FADS1: variants seen among roughly 807,000 people sequenced by gnomAD.
FADS1 encodes the protein acyl-CoA (8-3)-desaturase.
Under a neutral mutation model 61.6 loss-of-function variants are expected in FADS1, and 17 were observed. The ratio of observed to expected loss-of-function variants is 0.28; its 90% CI spans 0.19 to 0.41. FADS1 has a LOEUF of 0.41. Among genes scored for constraint, FADS1 ranks in the 10% least tolerant of loss-of-function variants. FADS1 has a pLI of 1.00. For synonymous variants in FADS1, 238 were observed against 258.7 expected, an observed-to-expected ratio of 0.92 and a Z score of 0.77; for missense variants, 387 against 650.9, an observed-to-expected ratio of 0.59 and a Z score of 4.41.
chr11:61,806,559 G>T, intron 6 of FADS1, 105 bp downstream of exon 6: 1 of 1,037,172 alleles, frequency 9.6e-7, no homozygotes, highest in Non-Finnish European at 1.5e-6. Flanking sequence ...ACTTCCTCTA[G>T]CCCCTTTCCT....
At position 61,800,561 on chromosome 11, in the gene FADS1, C is replaced by G. The variant is rs2066849675; in HGVS notation, c.*1850G>C. 6.6e-6 allele frequency: 1 copy of G among 152,412 alleles called. No homozygotes were observed. The highest frequency in any genetic ancestry group is 1.5e-5 in the Non-Finnish European group (1 of 68,048). 9.4% of individuals were successfully genotyped at this position (152,412 alleles called of 1,614,324 possible). ...TTGACAAACCTCTAACCTTCCATGTCTTTGTGTTGACAAACCTCTCCATGG... is the reference window on the plus strand; with the variant it reads ...TTGACAAACCTCTAACCTTCCATGTGTTTGTGTTGACAAACCTCTCCATGG... On this transcript the variant is annotated 3_prime_UTR_variant, in exon 12 of 12. Coordinates refer to ENST00000350997, the MANE Select transcript of FADS1 (RefSeq NM_013402.7).
At chr11:61,805,119 C>T in intron 6 of FADS1, 1 of 406,528 alleles carries the variant, frequency 2.5e-6, no homozygotes, top group Middle Eastern at 6.4e-4. Flanking sequence ...CATACACACT[C>T]CAAGGATCCC....
At chr11:61,813,620 TC>T in intron 1 of FADS1, 1 of 406,910 alleles carries the variant, frequency 2.5e-6, no homozygotes, top group South Asian at 4.7e-5. Flanking sequence ...CAATCAGTGC[TC>T]TATAAAATGG....
intron 7 of FADS1, 59 bp downstream of exon 7, chr11:61,804,626 A>G (rs1336292158): frequency 1.4e-5 from 20 of 1,435,932 alleles, no homozygotes; most frequent in Non-Finnish European, 2.0e-5. Context: ...GGGAACCCCT[A>G]TCCCCCACTC....
In FADS1 at chr11:61,802,754, G is replaced by T. The variant is rs757687195; in HGVS notation, c.1454+47C>A. ...TACATGTCATCATTTCCATTGCCCT[G>T]CCCTCTTCCCTCCCTACTAGCCATC... On this transcript the variant is annotated intron_variant, in intron 11 of 11. Coordinates refer to ENST00000350997, the MANE Select transcript of FADS1 (RefSeq NM_013402.7). The surrounding 1 kb of genome is among the most constrained non-coding windows in gnomAD (Gnocchi z 4.2). 2.4e-5 allele frequency: 38 copies of T among 1,612,074 alleles called. 1 individual carries two copies. The East Asian group carries it at 3.3e-4, about 14-fold the overall frequency.
intron 5 of FADS1, among the ~76,000 whole-genome samples, 164 bp from the exon 6 acceptor site, chr11:61,806,888 A>G (rs894168097): frequency 2.0e-5 from 3 of 152,202 alleles, no homozygotes; most frequent in Admixed American, 2.0e-4. Flanking sequence ...CACATGGAAC[A>G]TGAAGCCCTA....
Position 61,815,947 on chromosome 11 carries a change from C to G in FADS1, c.375+608G>C, listed in dbSNP as rs1022006878. The G allele has an allele frequency of 2.6e-6, 1 of 381,282 alleles. No homozygotes were observed. The highest frequency in any genetic ancestry group is 4.8e-6 in the Non-Finnish European group (1 of 207,798). The allele number at this position is 381,282 out of a possible 1,614,324, so 23.6% of individuals were successfully genotyped here. On this transcript the variant is annotated intron_variant, in intron 1 of 11. Coordinates refer to ENST00000350997, the MANE Select transcript of FADS1 (RefSeq NM_013402.7). This position sits in a 1 kb window ranked among gnomAD's most constrained non-coding sequence, Gnocchi z 6.4. ...TGTACGCCAGCGGCCGCTTGCCCTCCCCGGCCAGCGCTGTCCCTTCCGCGT... is the reference window on the plus strand; with the variant it reads ...TGTACGCCAGCGGCCGCTTGCCCTCGCCGGCCAGCGCTGTCCCTTCCGCGT...
At chr11:61,812,436 C>A (rs2066937780) in intron 3 of FADS1, 35 bp downstream of exon 3, 7 of 1,600,332 alleles carry the variant, frequency 4.4e-6, no homozygotes, top group Non-Finnish European at 5.1e-6. Context: ...GGATGCTGAG[C>A]ATTGCTGTGC....
chr11:61,803,188 G>T lies in FADS1; in HGVS notation c.1249-77C>A. 1 of 1,432,182 alleles carries T rather than the reference G, an allele frequency of 7.0e-7. No homozygotes were observed. The highest frequency in any genetic ancestry group is 9.8e-7 in the Non-Finnish European group (1 of 1,018,270). 88.7% of individuals were successfully genotyped at this position (1,432,182 alleles called of 1,614,324 possible). A position where few individuals can be genotyped will look rare whatever the true frequency, so the allele number is the denominator to read the frequency against. Reference sequence around the variant, plus strand: ...GCCCAGCATTCTCCAGGTAAAGCTGGCTGAGGAAGGGACATGAGACTGTCT... The same window carrying T: ...GCCCAGCATTCTCCAGGTAAAGCTGTCTGAGGAAGGGACATGAGACTGTCT... On this transcript the variant is annotated intron_variant, in intron 9 of 11. Transcript: ENST00000350997. The surrounding 1 kb of genome is among the most constrained non-coding windows in gnomAD (Gnocchi z 4.3).
At chr11:61,811,111 C>G (rs746929508) in intron 3 of FADS1, 36 bp from the exon 4 acceptor site, 2 of 1,532,060 alleles carry the variant, frequency 1.3e-6, no homozygotes, top group South Asian at 2.2e-5. Context: ...AGCAGCCCAC[C>G]AGCCCCAGTG....
intron 1 of FADS1, among the ~76,000 whole-genome samples, chr11:61,813,834 G>C (rs1421655681): frequency 1.3e-5 from 2 of 151,922 alleles, no homozygotes; most frequent in Non-Finnish European, 2.9e-5. Context: ...GCGAGGTAGC[G>C]GGCGCCTGTA....
At chr11:61,811,772 A>G in intron 3 of FADS1, 1 of 360,474 alleles carries the variant, frequency 2.8e-6, no homozygotes, top group South Asian at 2.0e-5. Context: ...GTATTTTAAT[A>G]GAGACGGGGT....
At position 61,802,226 on chromosome 11, in the gene FADS1, C is replaced by A. The variant is rs2066860285; in HGVS notation, c.*185G>T. 2.0e-5 allele frequency: 12 copies of A among 613,876 alleles called. No individual in the cohort carries two copies. The South Asian group carries it at 2.3e-4, about 12-fold the overall frequency. 38.0% of individuals were successfully genotyped at this position (613,876 alleles called of 1,614,324 possible). ...CCTCCTAGGGACTTCTGTGTCCACC[C>A]CCCACTTTGGGTCTTAGAACTGTGG... is the stretch of plus-strand genomic sequence containing the variant. On this transcript the variant is annotated 3_prime_UTR_variant, in exon 12 of 12. Coordinates refer to ENST00000350997, the MANE Select transcript of FADS1 (RefSeq NM_013402.7). The surrounding 1 kb of genome is among the most constrained non-coding windows in gnomAD (Gnocchi z 4.2).
chr11:61,803,139 G>A lies in FADS1; in HGVS notation c.1249-28C>T. The A allele has an allele frequency of 6.2e-7, 1 of 1,608,658 alleles. No homozygotes were observed. ...GGCGGAAAAGGTCAGGGGAGAGCAT[G>A]TTGAATATCAGATGGAAAGGCCAGC... On this transcript the variant is annotated intron_variant, in intron 9 of 11. Coordinates refer to ENST00000350997, the MANE Select transcript of FADS1 (RefSeq NM_013402.7). The surrounding 1 kb of genome is among the most constrained non-coding windows in gnomAD (Gnocchi z 4.3).
At position 61,802,591 on chromosome 11, in the gene FADS1, G is replaced by T. The variant is rs1243523626; in HGVS notation, c.1455-129C>A. ...CTCCCCTCTACTTTAGAGAAAGCTA[G>T]CTTGGGCCATGGTACTGAGGGGAAC... On this transcript the variant is annotated intron_variant, in intron 11 of 11. Transcript: ENST00000350997. This position sits in a 1 kb window ranked among gnomAD's most constrained non-coding sequence, Gnocchi z 4.2. 4.1e-6 allele frequency: 5 copies of T among 1,227,804 alleles called. No individual in the cohort carries two copies. Among genetic ancestry groups the T allele is most frequent in the African/African-American group, 3.0e-5 (2 of 66,696 alleles). The allele number at this position is 1,227,804 out of a possible 1,614,324, so 76.1% of individuals were successfully genotyped here. A position where few individuals can be genotyped will look rare whatever the true frequency, so the allele number is the denominator to read the frequency against.
chr11:61,813,111 G>A, intron 2 of FADS1, 132 bp downstream of exon 2: 1 of 726,942 alleles, frequency 1.4e-6, no homozygotes, highest in East Asian at 2.5e-5. Flanking sequence ...GAGAAGCAGG[G>A]ACCTCAAGAC....
At position 61,816,782 on chromosome 11, in the gene FADS1, C is replaced by G; in HGVS notation, c.148G>C (p.Ala50Pro). 6.6e-7 allele frequency: 1 copy of G among 1,519,260 alleles called. No individual in the cohort carries two copies. The highest frequency in any genetic ancestry group is 8.8e-7 in the Non-Finnish European group (1 of 1,139,362). 94.1% of individuals were successfully genotyped at this position (1,519,260 alleles called of 1,614,324 possible). A position where few individuals can be genotyped will look rare whatever the true frequency, so the allele number is the denominator to read the frequency against. The change falls in exon 1 of 12, where the codon GCG becomes CCG. Residue 50 changes from alanine (A) to proline (P), a missense_variant. Physicochemically the swap from Ala to Pro is conservative, Grantham distance 27. This residue lies in a region of FADS1 where 130 missense variants were observed against 117.7 expected (regional missense o/e 1.10). Transcript: ENST00000350997. The surrounding 1 kb of genome is among the most constrained non-coding windows in gnomAD (Gnocchi z 7.0). ...STRLTAPAGPARGVARPAMAP... is the reference protein window; with the variant it reads ...STRLTAPAGPPRGVARPAMAP... ...ATAGCTGGCCTGGCGACGCCGCGCG[C>G]CGGGCCAGCAGGGGCTGTCAGGCGC... is the stretch of plus-strand genomic sequence containing the variant.
In FADS1 at chr11:61,806,754, C is replaced by T. The variant is rs775096315; in HGVS notation, c.916-30G>A. ...GAAGAAAAGCAAACACATGAGCATT[C>T]GGAGACCAGTGATTCCTCCCTCTGT... On this transcript the variant is annotated intron_variant, in intron 5 of 11. Coordinates refer to ENST00000350997, the MANE Select transcript of FADS1 (RefSeq NM_013402.7). 10 of 1,603,978 alleles carry T rather than the reference C, an allele frequency of 6.2e-6. No homozygotes were observed. The Admixed American group carries it at 1.2e-4, about 19-fold the overall frequency.
In FADS1 at chr11:61,803,435, C is replaced by A; in HGVS notation, c.1176G>T (p.Val392=). Reference sequence around the variant, plus strand: ...GAATATGGTTCATCTGTGTCACCCACACAAACCAGTTGCTTTCCAGGAACC... The same window carrying A: ...GAATATGGTTCATCTGTGTCACCCAAACAAACCAGTTGCTTTCCAGGAACC... ...IVRFLESNWF[V]WVTQMNHIPM... The change falls in exon 9 of 12, where the codon GTG becomes GTT. Residue 392 remains valine (V), a synonymous_variant. Coordinates refer to ENST00000350997, the MANE Select transcript of FADS1 (RefSeq NM_013402.7). The surrounding 1 kb of genome is among the most constrained non-coding windows in gnomAD (Gnocchi z 4.3). 1 of 1,614,166 alleles carries A rather than the reference C, an allele frequency of 6.2e-7. No homozygotes were observed.
Sources: gnomAD v4.1 joint callset for allele counts (sites outside exome capture counted in the v4.1 genomes callset) on GRCh38, gnomAD v4.1.1 for gene constraint, gnomAD v4.1.1 regional missense constraint, Gnocchi (gnomAD v3.1) non-coding constraint, MANE v1.5 for transcripts, NCBI Gene and HGNC (gene_info 2026-07-23, HGNC 2026-07-21) for gene names.